AFF1: variants seen among roughly 807,000 people sequenced by gnomAD.
AFF1 encodes the protein AF4/FMR2 family member 1.
Under a neutral mutation model 121.7 loss-of-function variants are expected in AFF1, and 48 were observed. The observed-to-expected ratio is 0.39, with a 90% CI of 0.31 to 0.50. The LOEUF (loss-of-function observed/expected upper bound fraction) is 0.50, where lower values mean the gene tolerates loss of function less well. Among genes scored for constraint, AFF1 ranks in the 20% least tolerant of loss-of-function variants. AFF1 has a pLI of 0.76. For synonymous variants in AFF1, 613 were observed against 563.0 expected (o/e 1.09, Z -1.26); for missense variants, 1,523 against 1,511.7 (o/e 1.01, Z -0.12).
At chr4:87,118,260 C>T (rs980048629) in intron 12 of AFF1, among the ~76,000 whole-genome samples, 1 of 152,104 alleles carries the variant, frequency 6.6e-6, no homozygotes, top group Non-Finnish European at 1.5e-5. Context: ...TTAATGATGG[C>T]TAACAGCTGT....
chr4:87,038,204 G>A (rs1485699757), intron 2 of AFF1, among the ~76,000 whole-genome samples: 2 of 152,126 alleles, frequency 1.3e-5, no homozygotes, highest in Non-Finnish European at 1.5e-5. Flanking sequence ...TAAATTTTAA[G>A]AATGTTATTC....
chr4:86,996,117 C>T (rs552761497), intron 2 of AFF1, among the ~76,000 whole-genome samples: 2,843 of 151,734 alleles, frequency 0.019, 90 homozygotes, highest in African/African-American at 0.065. Flanking sequence ...GTCAGGCCCC[C>T]GCCCGGCCAG....
chr4:87,128,346 TAA>T (rs749560359), intron 16 of AFF1, among the ~76,000 whole-genome samples: 2 of 152,246 alleles, frequency 1.3e-5, no homozygotes, highest in Non-Finnish European at 2.9e-5. Context: ...GTTTTGTAGT[TAA>T]TTGTGTACAT....
intron 2 of AFF1, among the ~76,000 whole-genome samples, chr4:86,963,963 G>GTTTTT (rs3035477): frequency 3.8e-5 from 4 of 104,354 alleles, no homozygotes; most frequent in Non-Finnish European, 5.7e-5. Flanking sequence ...GACTAGACTG[G>GTTTTT]TTTTTTTTTT....
At chr4:86,966,590 GA>G (rs33920945) in intron 2 of AFF1, among the ~76,000 whole-genome samples, 91,137 of 148,792 alleles carry the variant, frequency 0.61, 28,075 homozygotes, top group Non-Finnish European at 0.67. Context: ...TGGCTCACAG[GA>G]AAAAAAAAAA....
chr4:87,000,213 A>C (rs903556642), intron 2 of AFF1, among the ~76,000 whole-genome samples: 1 of 152,138 alleles, frequency 6.6e-6, no homozygotes, highest in Non-Finnish European at 1.5e-5. Flanking sequence ...AGCTATTACC[A>C]CCCCTTTTCC....
At chr4:87,054,086 A>G (rs1010149474) in intron 4 of AFF1, among the ~76,000 whole-genome samples, 4 of 152,254 alleles carry the variant, frequency 2.6e-5, no homozygotes, top group African/African-American at 9.6e-5. Context: ...GCCCAGTACC[A>G]TAGATCAAAG....
At chr4:86,944,061 T>C (rs1222202152) in intron 1 of AFF1, among the ~76,000 whole-genome samples, 1 of 151,220 alleles carries the variant, frequency 6.6e-6, no homozygotes, top group Non-Finnish European at 1.5e-5. Context: ...GGAGGTTTAC[T>C]TGAGCCCAGA....
intron 10 of AFF1, 90 bp from the exon 11 acceptor site, chr4:87,108,069 C>T: frequency 6.9e-7 from 1 of 1,452,132 alleles, no homozygotes; most frequent in South Asian, 1.3e-5. Context: ...CAAGGCCCGC[C>T]CTTTTGAGTA....
intron 4 of AFF1, among the ~76,000 whole-genome samples, chr4:87,049,054 TAGG>T (rs1731004281): frequency 9.3e-6 from 1 of 108,064 alleles, no homozygotes; most frequent in African/African-American, 3.6e-5. Flanking sequence ...CTTTATCAAA[TAGG>T]GTTAGCTGTA....
chr4:86,973,018 G>A (rs947049959), intron 2 of AFF1, among the ~76,000 whole-genome samples: 1 of 152,180 alleles, frequency 6.6e-6, no homozygotes, highest in Non-Finnish European at 1.5e-5. Context: ...AAAGGAAAGG[G>A]AGAGAAGAAA....
intron 2 of AFF1, among the ~76,000 whole-genome samples, chr4:87,012,734 G>A (rs1404869440): frequency 6.6e-6 from 1 of 152,152 alleles, no homozygotes; most frequent in African/African-American, 2.4e-5. Flanking sequence ...CACTTCAGGA[G>A]AAAATATGTA....
chr4:87,057,427 C>T (rs936341599), intron 4 of AFF1, among the ~76,000 whole-genome samples: 8 of 152,148 alleles, frequency 5.3e-5, no homozygotes, highest in Admixed American at 5.2e-4. Flanking sequence ...GGCAAGGAAC[C>T]TAACCTTCCT....
intron 8 of AFF1, among the ~76,000 whole-genome samples, chr4:87,102,988 T>C (rs1725576173): frequency 6.6e-6 from 1 of 152,214 alleles, no homozygotes; most frequent in South Asian, 2.1e-4. Flanking sequence ...TAAATTCCTT[T>C]AAAATTTGTC....
Position 87,136,851 on chromosome 4 carries a change from A to G in AFF1, c.*1150A>G, listed in dbSNP as rs1160342492. On this transcript the variant is annotated 3_prime_UTR_variant, in exon 21 of 21. Coordinates refer to ENST00000395146, the MANE Select transcript of AFF1 (RefSeq NM_001166693.3). ...AGTCCTTGATTGTCTAGGGGAAGTT[A>G]ACTCCCTGAGAGGATGTAGAGATTT... The G allele has an allele frequency of 9.0e-6, 2 of 221,024 alleles. No individual in the cohort carries two copies. The highest frequency in any genetic ancestry group is 1.3e-4 in the East Asian group (2 of 14,984). 13.7% of individuals were successfully genotyped at this position (221,024 alleles called of 1,614,324 possible).
At chr4:86,946,628 G>A (rs189590588) in intron 1 of AFF1, among the ~76,000 whole-genome samples, 2 of 152,224 alleles carry the variant, frequency 1.3e-5, no homozygotes, top group Admixed American at 1.3e-4. Flanking sequence ...CTGAGCTCAA[G>A]CATTCAGCCA....
At chr4:86,949,181 T>TA (rs1491364650) in intron 2 of AFF1, among the ~76,000 whole-genome samples, 257 of 52,044 alleles carry the variant, frequency 4.9e-3, no homozygotes, top group African/African-American at 5.2e-3. Flanking sequence ...TATATATATA[T>TA]TTTTTTTTTT....
chr4:87,013,245 G>T (rs181661269), intron 2 of AFF1, among the ~76,000 whole-genome samples: 293 of 151,838 alleles, frequency 1.9e-3, no homozygotes, highest in African/African-American at 6.8e-3. Context: ...TCTCCATGTT[G>T]GTCAGGATGG....
intron 2 of AFF1, among the ~76,000 whole-genome samples, chr4:86,984,345 T>C (rs1724036348): frequency 6.6e-6 from 1 of 150,918 alleles, no homozygotes; most frequent in African/African-American, 2.4e-5. Context: ...TTTTTTTTTT[T>C]GTGACTGAGT....
Sources: gnomAD v4.1 joint callset for allele counts (sites outside exome capture counted in the v4.1 genomes callset) on GRCh38, gnomAD v4.1.1 for gene constraint, MANE v1.5 for transcripts, NCBI Gene and HGNC (gene_info 2026-07-23, HGNC 2026-07-21) for gene names.